Variants in AADAT observed in about 807,000 individuals in gnomAD.
AADAT encodes the protein aminoadipate aminotransferase.
A neutral mutation model predicts 56.2 loss-of-function variants in AADAT; 25 were observed. The observed-to-expected ratio is 0.44, with a 90% CI of 0.32 to 0.62. The LOEUF is 0.62. AADAT is among the 20% of genes least tolerant of loss of function. The pLI is 0.04. For missense variants in AADAT, 387 were observed against 510.5 expected, an observed-to-expected ratio of 0.76 and a Z score of 2.33; for synonymous variants, 173 against 164.7, an observed-to-expected ratio of 1.05 and a Z score of -0.39.
At chr4:170,076,208 C>T (rs1028039736) in intron 4 of AADAT, among the ~76,000 whole-genome samples, 2 of 152,124 alleles carry the variant, frequency 1.3e-5, no homozygotes, top group South Asian at 4.1e-4. Flanking sequence ...TTCCTTCCAC[C>T]AGCAGTGAAT....
intron 3 of AADAT, among the ~76,000 whole-genome samples, chr4:170,081,080 A>C (rs1336208041): frequency 6.6e-6 from 1 of 152,194 alleles, no homozygotes; most frequent in African/African-American, 2.4e-5. Flanking sequence ...GAAATTTATC[A>C]GAGACATTTA....
chr4:170,087,686 A>C (rs1214934253), intron 2 of AADAT, among the ~76,000 whole-genome samples: 3 of 152,158 alleles, frequency 2.0e-5, no homozygotes, highest in Admixed American at 1.3e-4. Context: ...ACATATATAC[A>C]TGAATAACAT....
Position 170,061,936 on chromosome 4 carries a change from A to T in AADAT, c.1192T>A (p.Leu398Met). 1.9e-6 allele frequency: 3 copies of T among 1,613,382 alleles called. No homozygotes were observed. Among genetic ancestry groups the T allele is most frequent in the Non-Finnish European group, 2.5e-6 (3 of 1,179,544 alleles). The change falls in exon 12 of 13, where the codon TTG (leucine) becomes ATG (methionine). Residue 398 changes from leucine (L) to methionine (M), a missense_variant. Leu to Met is a conservative substitution (Grantham distance 15). Transcript: ENST00000337664. ...GAAGCTGAAGAGAAGGATGCTCTCA[A>T]GTAAGGGCTAGGAGCTGAGCTATCG... ...YVDSSAPSPY[L>M]RASFSSASPE... is the part of the protein sequence containing the mutation.
chr4:170,073,402 G>GTT, intron 4 of AADAT, 57 bp from the exon 5 acceptor site: 1 of 1,377,478 alleles, frequency 7.3e-7, no homozygotes, highest in Non-Finnish European at 9.5e-7. Flanking sequence ...AAGTGCTATT[G>GTT]GTTTTTTTTT....
intron 11 of AADAT, among the ~76,000 whole-genome samples, chr4:170,063,285 G>A (rs1581565266): frequency 6.6e-6 from 1 of 152,238 alleles, no homozygotes; most frequent in Non-Finnish European, 1.5e-5. Flanking sequence ...TGACAAAGTG[G>A]GGATAAAGCT....
In AADAT at chr4:170,061,964, G is replaced by A. The variant is rs776516272; in HGVS notation, c.1164C>T (p.Tyr388=). The change falls in exon 12 of 13, where the codon TAC becomes TAT. Residue 388 remains tyrosine, a synonymous_variant. Coordinates refer to ENST00000337664, the MANE Select transcript of AADAT (RefSeq NM_016228.4). The part of the protein sequence containing the change: ...GVLMLPGNAF[Y]VDSSAPSPYL... ...AAGGGCTAGGAGCTGAGCTATCGAC[G>A]TAGAAAGCATTTCCAGGGAGCATTA... The A allele has an allele frequency of 9.3e-6, 15 of 1,612,576 alleles. 1 individual carries two copies. Among genetic ancestry groups the A allele is most frequent in the South Asian group, 3.3e-5 (3 of 91,012 alleles).
chr4:170,064,570 G>A (rs1731354227), intron 11 of AADAT, 149 bp downstream of exon 11: 1 of 608,670 alleles, frequency 1.6e-6, no homozygotes, highest in Non-Finnish European at 2.8e-6. Context: ...TTACGATTTT[G>A]ATAATGCAAT....
At chr4:170,093,580 C>T (rs1021103706), upstream of AADAT, among the ~76,000 whole-genome samples, 1 of 152,156 alleles carries the variant, frequency 6.6e-6, no homozygotes. Flanking sequence ...ATTTATTACT[C>T]ACAGGCTATT....
chr4:170,081,681 T>G (rs1228201712), intron 3 of AADAT, among the ~76,000 whole-genome samples: 4 of 152,152 alleles, frequency 2.6e-5, no homozygotes, highest in Non-Finnish European at 4.4e-5. Flanking sequence ...AGAAAAAAGC[T>G]GCTATCTAAG....
chr4:170,073,031 C>T (rs1413842135), intron 5 of AADAT, 105 bp downstream of exon 5: 14 of 1,052,552 alleles, frequency 1.3e-5, no homozygotes, highest in Middle Eastern at 2.8e-4. Context: ...AAATTATATT[C>T]CTTGAAAGCA....
chr4:170,074,555 G>T (rs980009815), intron 4 of AADAT, among the ~76,000 whole-genome samples: 4 of 152,060 alleles, frequency 2.6e-5, no homozygotes, highest in Non-Finnish European at 5.9e-5. Context: ...CACAAGCAGA[G>T]GTGATATTAA....
At chr4:170,089,588 C>T (rs1732735400) in intron 1 of AADAT, 36 bp downstream of exon 1, 1 of 1,613,124 alleles carries the variant, frequency 6.2e-7, no homozygotes, top group Non-Finnish European at 8.5e-7. Context: ...GAGGAATGCC[C>T]CACCCCAAAG....
At chr4:170,070,688 C>A (rs1561014736) in intron 5 of AADAT, 36 bp from the exon 6 acceptor site, 1 of 1,360,278 alleles carries the variant, frequency 7.4e-7, no homozygotes, top group South Asian at 1.3e-5. Flanking sequence ...ATTTCTTAAT[C>A]TATTTATTTC....
intron 7 of AADAT, 75 bp downstream of exon 7, chr4:170,069,073 C>G: frequency 2.3e-6 from 3 of 1,296,410 alleles, no homozygotes; most frequent in Non-Finnish European, 3.2e-6. Flanking sequence ...AAAAAATTGT[C>G]TAGACTAAAA....
intron 2 of AADAT, among the ~76,000 whole-genome samples, 161 bp downstream of exon 2, chr4:170,088,235 A>G (rs780030772): frequency 2.0e-5 from 3 of 152,040 alleles, no homozygotes; most frequent in African/African-American, 7.2e-5. Context: ...GTTAGTATTC[A>G]ATGACTGAGT....
intron 4 of AADAT, among the ~76,000 whole-genome samples, 198 bp from the exon 5 acceptor site, chr4:170,073,543 C>T (rs1360546380): frequency 1.3e-5 from 2 of 150,310 alleles, no homozygotes; most frequent in Non-Finnish European, 2.9e-5. Context: ...CTCGCTCTGT[C>T]ACCCAGGCTG....
chr4:170,072,380 C>T (rs1262942906), intron 5 of AADAT, among the ~76,000 whole-genome samples: 1 of 152,044 alleles, frequency 6.6e-6, no homozygotes, highest in Non-Finnish European at 1.5e-5. Context: ...AAGCATCCTC[C>T]CACCTCAGCC....
At chr4:170,063,361 TGAA>T (rs1036707341) in intron 11 of AADAT, among the ~76,000 whole-genome samples, 1 of 152,154 alleles carries the variant, frequency 6.6e-6, no homozygotes, top group African/African-American at 2.4e-5. Flanking sequence ...TGAAGAGGAC[TGAA>T]GAAGAGTAGA....
At chr4:170,067,976 T>C (rs538140249) in intron 8 of AADAT, among the ~76,000 whole-genome samples, 181 of 151,904 alleles carry the variant, frequency 1.2e-3, no homozygotes, top group African/African-American at 4.2e-3. Flanking sequence ...CTGTCTCTAC[T>C]AAAAATACAA....
Sources: allele counts gnomAD v4.1 joint callset (sites outside exome capture counted in the v4.1 genomes callset), GRCh38; gene constraint gnomAD v4.1.1; transcripts MANE v1.5; gene names NCBI Gene and HGNC (gene_info 2026-07-23, HGNC 2026-07-21).